LGALS4: variants seen among roughly 807,000 people sequenced by gnomAD.
LGALS4 encodes the protein galectin-4.
In LGALS4, 37 loss-of-function variants were observed where a neutral mutation model predicts 39.6. The observed-to-expected ratio is 0.93, with a 90% CI of 0.72 to 1.23. The LOEUF (loss-of-function observed/expected upper bound fraction) is 1.23, where lower values mean the gene tolerates loss of function less well. Ranked by LOEUF, LGALS4 falls within the 50% of genes most tolerant of loss-of-function variation. LGALS4 has a pLI of 0.00. For synonymous variants in LGALS4, 160 were observed against 165.5 expected, an observed-to-expected ratio of 0.97 and a Z score of 0.25; for missense variants, 397 against 433.2, an observed-to-expected ratio of 0.92 and a Z score of 0.74.
chr19:38,802,497 T>A, intron 7 of LGALS4, 93 bp from the exon 8 acceptor site: 1 of 966,358 alleles, frequency 1.0e-6, no homozygotes, highest in Admixed American at 2.0e-5. Context: ...TTCTTTCCTG[T>A]CTTTTTTTCT....
intron 3 of LGALS4, among the ~76,000 whole-genome samples, chr19:38,807,234 G>A (rs1255436509): frequency 6.6e-6 from 1 of 152,106 alleles, no homozygotes; most frequent in Non-Finnish European, 1.5e-5. Flanking sequence ...CGGGCGTGGT[G>A]GTGTGCACCT....
intron 6 of LGALS4, 64 bp downstream of exon 6, chr19:38,803,678 C>T (rs759568401): frequency 2.5e-6 from 4 of 1,599,600 alleles, no homozygotes; most frequent in Non-Finnish European, 2.6e-6. Flanking sequence ...CCTCTTAGCT[C>T]CCCCTACCCC....
intron 2 of LGALS4, among the ~76,000 whole-genome samples, chr19:38,810,736 C>A (rs1486098713): frequency 2.0e-5 from 3 of 151,754 alleles, no homozygotes; most frequent in African/African-American, 4.8e-5. Context: ...CTTAGCCACC[C>A]AAAGTGCTGG....
chr19:38,809,590 C>G (rs1323855294), intron 2 of LGALS4, among the ~76,000 whole-genome samples: 5 of 151,554 alleles, frequency 3.3e-5, no homozygotes, highest in Admixed American at 2.6e-4. Context: ...AACTGATTCT[C>G]CTGCCTCAGC....
At chr19:38,812,006 T>C (rs1451719194) in intron 2 of LGALS4, among the ~76,000 whole-genome samples, 1 of 140,708 alleles carries the variant, frequency 7.1e-6, no homozygotes, top group Non-Finnish European at 1.5e-5. Flanking sequence ...AGAGCAAAAC[T>C]CCATCTCAAA....
intron 3 of LGALS4, among the ~76,000 whole-genome samples, chr19:38,807,983 G>C (rs1971443238): frequency 6.6e-6 from 1 of 152,098 alleles, no homozygotes; most frequent in Non-Finnish European, 1.5e-5. Flanking sequence ...AAACACTGTG[G>C]AAGGCCGCAG....
intron 5 of LGALS4, 28 bp downstream of exon 5, chr19:38,803,841 A>C (rs746083027): frequency 6.2e-7 from 1 of 1,612,770 alleles, no homozygotes; most frequent in Admixed American, 1.7e-5. Context: ...CTAGGGAGGA[A>C]GACCCTCACC....
chr19:38,806,570 T>C lies in LGALS4; in HGVS notation c.365A>G (p.Tyr122Cys). The C allele has an allele frequency of 2.5e-6, 4 of 1,613,812 alleles. No individual in the cohort carries two copies. The highest frequency in any genetic ancestry group is 2.5e-6 in the Non-Finnish European group (3 of 1,179,894). Residue 122 changes from tyrosine to cysteine, a missense_variant, in exon 4 of 10, where the codon TAT becomes TGT. By Grantham distance (194) the Tyr-to-Cys change is radical. Coordinates refer to ENST00000307751, the MANE Select transcript of LGALS4 (RefSeq NM_006149.4). ...TAGGGGAAGCCGGTGCCCGTACTCATAGAAGGGATTTCCATTTACCACCAC... is the reference window on the plus strand; with the variant it reads ...TAGGGGAAGCCGGTGCCCGTACTCACAGAAGGGATTTCCATTTACCACCAC... ...YKVVVNGNPF[Y>C]EYGHRLPLQM... is the part of the protein sequence containing the mutation.
In LGALS4 at chr19:38,802,419, C is replaced by T. The variant is rs201990706; in HGVS notation, c.571-15G>A. On this transcript the variant is annotated splice_polypyrimidine_tract_variant and intron_variant, in intron 7 of 9. Coordinates refer to ENST00000307751, the MANE Select transcript of LGALS4 (RefSeq NM_006149.4). ...TATGGCACAGGCTGTGGGAAGAGAA[C>T]GGGGGGTCCCATTCTCTCTCAGCTT... The T allele has an allele frequency of 3.3e-5, 52 of 1,599,042 alleles. No homozygotes were observed. Among genetic ancestry groups the T allele is most frequent in the Admixed American group, 5.0e-5 (3 of 59,978 alleles).
chr19:38,807,021 C>T (rs2145356688), intron 3 of LGALS4, among the ~76,000 whole-genome samples: 1 of 151,848 alleles, frequency 6.6e-6, no homozygotes, highest in South Asian at 2.1e-4. Flanking sequence ...CTGGGACAGC[C>T]TCAGCATCAG....
At chr19:38,806,890 T>C (rs986523473) in intron 3 of LGALS4, among the ~76,000 whole-genome samples, 1 of 150,530 alleles carries the variant, frequency 6.6e-6, no homozygotes, top group Non-Finnish European at 1.5e-5. Context: ...GAGGTTGCAG[T>C]GAGTGGAGAT....
chr19:38,803,993 AC>A, intron 4 of LGALS4, 98 bp from the exon 5 acceptor site: 1 of 1,315,180 alleles, frequency 7.6e-7, no homozygotes. Flanking sequence ...CACCACCACC[AC>A]CACTATGCCA....
rs556311711 is a variant in LGALS4 at position 38,807,736 on chromosome 19, T to A, written c.339+1008A>T. On this transcript the variant is annotated intron_variant, in intron 3 of 9. Transcript: ENST00000307751. ...AGAGATCAGATTGTTACTGTGTCTGTGTAGAAAGAAGTAGACATAGAAGAC... is the reference window on the plus strand; with the variant it reads ...AGAGATCAGATTGTTACTGTGTCTGAGTAGAAAGAAGTAGACATAGAAGAC... Among the ~76,000 whole-genome samples, 4 of 152,288 alleles carry A rather than the reference T, an allele frequency of 2.6e-5. No individual in the cohort carries two copies. The South Asian group carries it at 8.3e-4, about 32-fold the overall frequency.
chr19:38,811,581 C>T (rs1008729852), intron 2 of LGALS4, among the ~76,000 whole-genome samples: 6 of 151,840 alleles, frequency 4.0e-5, no homozygotes, highest in Admixed American at 6.6e-5. Context: ...TCACTTTAGC[C>T]CAGGAGTTGG....
At chr19:38,802,584 T>C (rs1416694359) in intron 7 of LGALS4, among the ~76,000 whole-genome samples, 180 bp from the exon 8 acceptor site, 1 of 152,152 alleles carries the variant, frequency 6.6e-6, no homozygotes, top group East Asian at 1.9e-4. Flanking sequence ...AGCCTCAAAC[T>C]GCTGGGCTCA....
Position 38,812,861 on chromosome 19 carries a change from T to C in LGALS4, c.26A>G (p.Tyr9Cys), listed in dbSNP as rs767464157. The stretch of plus-strand genomic sequence containing the variant: ...TCTCACCGGGTTGTAGGTGGGCTGG[T>C]AGCCCGGTGCGGGGACATAGGCCAT... MAYVPAPG[Y>C]QPTYNPTLPY... is the part of the protein sequence containing the mutation. The change falls in exon 1 of 10, where the codon TAC becomes TGC. Residue 9 changes from tyrosine (Y) to cysteine (C), a missense_variant. Coordinates refer to ENST00000307751, the MANE Select transcript of LGALS4 (RefSeq NM_006149.4). The C allele has an allele frequency of 6.2e-7, 1 of 1,612,058 alleles. No individual in the cohort carries two copies. Among genetic ancestry groups the C allele is most frequent in the Non-Finnish European group, 8.5e-7 (1 of 1,179,978 alleles).
chr19:38,804,437 G>A (rs1444987242), intron 4 of LGALS4, among the ~76,000 whole-genome samples: 1 of 151,908 alleles, frequency 6.6e-6, no homozygotes, highest in East Asian at 1.9e-4. Flanking sequence ...GCGCCACCAC[G>A]CCCAGCTAAT....
chr19:38,806,651 A>G lies in LGALS4; in HGVS notation c.340-56T>C, dbSNP rs1599994911. The stretch of plus-strand genomic sequence containing the variant: ...AGCACCCATGATCCTGGGAAGGTAC[A>G]AACAGGAAGCAAGGGCAGGGCACCC... On this transcript the variant is annotated intron_variant, in intron 3 of 9. Transcript: ENST00000307751. 4 of 1,599,168 alleles carry G rather than the reference A, an allele frequency of 2.5e-6. No individual in the cohort carries two copies. In the East Asian group the frequency reaches 9.0e-5, roughly 36 times the overall value.
intron 4 of LGALS4, 91 bp downstream of exon 4, chr19:38,806,370 A>AAAAAAAAG: frequency 4.8e-6 from 7 of 1,467,168 alleles, no homozygotes; most frequent in South Asian, 3.9e-5. Context: ...TCCGTCTCAA[A>AAAAAAAAG]AAAAAAAGAA....
Sources: gnomAD v4.1 joint callset for allele counts (sites outside exome capture counted in the v4.1 genomes callset) on GRCh38, gnomAD v4.1.1 for gene constraint, MANE v1.5 for transcripts, NCBI Gene and HGNC (gene_info 2026-07-23, HGNC 2026-07-21) for gene names.